Variants in GPR137C observed in about 807,000 individuals in gnomAD.
GPR137C encodes G protein-coupled receptor 137C.
Under a neutral mutation model 43.4 loss-of-function variants are expected in GPR137C, and 27 were observed. The observed-to-expected ratio is 0.62, with a 90% CI of 0.46 to 0.86. The LOEUF (loss-of-function observed/expected upper bound fraction) is 0.86, where lower values mean the gene tolerates loss of function less well. GPR137C is among the 40% of genes least tolerant of loss of function. GPR137C has a pLI of 0.00. For synonymous variants in GPR137C, 285 were observed against 226.9 expected (o/e 1.26, Z -2.30); for missense variants, 522 against 534.6 (o/e 0.98, Z 0.23).
intron 1 of GPR137C, among the ~76,000 whole-genome samples, chr14:52,594,241 C>T (rs1171736957): frequency 6.6e-6 from 1 of 152,072 alleles, no homozygotes; most frequent in Non-Finnish European, 1.5e-5. Flanking sequence ...GTTTCACTTC[C>T]AATTATGTGG....
intron 3 of GPR137C, among the ~76,000 whole-genome samples, chr14:52,616,203 T>C (rs2039097141): frequency 6.6e-6 from 1 of 152,222 alleles, no homozygotes; most frequent in Admixed American, 6.5e-5. Flanking sequence ...TCAGTATGAG[T>C]TGGAAACTAT....
intron 1 of GPR137C, among the ~76,000 whole-genome samples, chr14:52,571,142 G>C (rs1418366081): frequency 6.6e-6 from 1 of 152,182 alleles, no homozygotes; most frequent in Non-Finnish European, 1.5e-5. Context: ...CAGTCACTCA[G>C]ACCGCAGTGC....
chr14:52,596,941 A>G (rs1315969111), intron 1 of GPR137C: 1 of 454,190 alleles, frequency 2.2e-6, no homozygotes, highest in South Asian at 1.6e-5. Context: ...AGCTGTTCCT[A>G]TTTGGCCATC....
intron 1 of GPR137C, among the ~76,000 whole-genome samples, chr14:52,592,078 G>A (rs1249478241): frequency 6.6e-6 from 1 of 152,194 alleles, no homozygotes; most frequent in East Asian, 1.9e-4. Context: ...TTATTACATA[G>A]GGAATCCTTT....
chr14:52,577,552 A>G (rs1003109199), intron 1 of GPR137C, among the ~76,000 whole-genome samples: 1 of 149,008 alleles, frequency 6.7e-6, no homozygotes, highest in Admixed American at 6.7e-5. Flanking sequence ...GATCAATGAA[A>G]TGAAAAGTTG....
At chr14:52,596,706 C>T (rs1163848507) in intron 1 of GPR137C, among the ~76,000 whole-genome samples, 1 of 152,200 alleles carries the variant, frequency 6.6e-6, no homozygotes, top group Non-Finnish European at 1.5e-5. Flanking sequence ...GAGAGTGTAC[C>T]ATTCCTCCAG....
At chr14:52,620,130 G>T (rs188351888) in intron 3 of GPR137C, among the ~76,000 whole-genome samples, 1 of 152,100 alleles carries the variant, frequency 6.6e-6, no homozygotes, top group South Asian at 2.1e-4. Context: ...CTGAGAGAAG[G>T]TCCCATCCAT....
In GPR137C at chr14:52,553,470, G is replaced by T; in HGVS notation, c.323G>T (p.Gly108Val). The change falls in exon 1 of 7, where the codon GGC becomes GTC. Residue 108 changes from glycine (G) to valine (V), a missense_variant. Physicochemically the swap from Gly to Val is moderately radical, Grantham distance 109 (BLOSUM62 -3). Transcript: ENST00000321662. ...TTCTCCGCCGCCTTCTCGCTCAGCG[G>T]CTCCCTGCCCTTGCTCCGGCCGCCC... ...TLFSAAFSLS[G>V]SLPLLRPPAH... 6.2e-7 allele frequency: 1 copy of T among 1,608,670 alleles called. No individual in the cohort carries two copies. The highest frequency in any genetic ancestry group is 8.5e-7 in the Non-Finnish European group (1 of 1,179,752).
chr14:52,569,406 T>G (rs911124799), intron 1 of GPR137C, among the ~76,000 whole-genome samples: 1 of 151,358 alleles, frequency 6.6e-6, no homozygotes, highest in Non-Finnish European at 1.5e-5. Flanking sequence ...TCACAACTCC[T>G]CACCAGCAAG....
At chr14:52,556,375 C>G (rs2038193511) in intron 1 of GPR137C, among the ~76,000 whole-genome samples, 1 of 144,160 alleles carries the variant, frequency 6.9e-6, no homozygotes, top group African/African-American at 2.6e-5. Context: ...TTAAGAAATG[C>G]CTCAACCCCT....
intron 3 of GPR137C, among the ~76,000 whole-genome samples, chr14:52,605,790 A>G (rs954329245): frequency 6.6e-6 from 1 of 152,324 alleles, no homozygotes; most frequent in African/African-American, 2.4e-5. Flanking sequence ...TTAAGCATCT[A>G]TTGAAATGAA....
At chr14:52,602,915 T>C (rs916653771) in intron 3 of GPR137C, among the ~76,000 whole-genome samples, 1 of 152,182 alleles carries the variant, frequency 6.6e-6, no homozygotes, top group African/African-American at 2.4e-5. Context: ...CAAATCAGGG[T>C]AATTGGGATA....
rs552086460 is a variant in GPR137C at position 52,594,886 on chromosome 14, G to A, written c.445-3386G>A. On this transcript the variant is annotated intron_variant, in intron 1 of 6. Coordinates refer to ENST00000321662, the MANE Select transcript of GPR137C (RefSeq NM_001099652.2). ...ATGATGTTAGCTGGTTATTTTGCCCGTTAATTGATGCAGTTACTTCATAGC... is the reference window on the plus strand; with the variant it reads ...ATGATGTTAGCTGGTTATTTTGCCCATTAATTGATGCAGTTACTTCATAGC... Among the ~76,000 whole-genome samples, 9 of 152,246 alleles carry A rather than the reference G, an allele frequency of 5.9e-5. No individual in the cohort carries two copies. The South Asian group carries it at 6.2e-4, about 11-fold the overall frequency.
chr14:52,621,884 A>G (rs549068867), intron 3 of GPR137C, among the ~76,000 whole-genome samples: 1 of 151,774 alleles, frequency 6.6e-6, no homozygotes, highest in East Asian at 1.9e-4. Context: ...AAATTAAGAG[A>G]TTATAAAAAT....
intron 1 of GPR137C, among the ~76,000 whole-genome samples, chr14:52,567,720 C>T (rs77037155): frequency 0.047 from 6,884 of 146,324 alleles, 393 homozygotes; most frequent in East Asian, 0.16. Flanking sequence ...TGTGCAGTGG[C>T]GTGATCTCTG....
Position 52,632,186 on chromosome 14 carries a change from C to A in GPR137C, c.744C>A (p.Val248=). 1 of 1,606,220 alleles carries A rather than the reference C, an allele frequency of 6.2e-7. No individual in the cohort carries two copies. Among genetic ancestry groups the A allele is most frequent in the Non-Finnish European group, 8.5e-7 (1 of 1,173,112 alleles). The change falls in exon 4 of 7, where the codon GTC becomes GTA. Residue 248 remains valine, a synonymous_variant. Transcript: ENST00000321662. ...SKGMSLCQTV[V]VGSVVILLYS... ...GTATGTCTCTGTGCCAGACTGTCGT[C>A]GTGGGCTCTGTAGTCATTCTTCTGT...
intron 1 of GPR137C, among the ~76,000 whole-genome samples, chr14:52,555,168 C>G (rs1342278297): frequency 6.6e-6 from 1 of 152,150 alleles, no homozygotes; most frequent in African/African-American, 2.4e-5. Context: ...CTGAAAGTGA[C>G]TAGCGATTTT....
intron 3 of GPR137C, among the ~76,000 whole-genome samples, chr14:52,625,992 A>G (rs1407207867): frequency 6.6e-6 from 1 of 152,248 alleles, no homozygotes. Context: ...AAAATATTAA[A>G]TAAATACAAA....
In GPR137C at chr14:52,565,923, T is replaced by A. The variant is rs2038363008; in HGVS notation, c.444+12332T>A. ...CAAATCATTATTTTTCTGGGCCAGTTGTATAATTTGTAAAGTGGTTAGTCT... is the reference window on the plus strand; with the variant it reads ...CAAATCATTATTTTTCTGGGCCAGTAGTATAATTTGTAAAGTGGTTAGTCT... On this transcript the variant is annotated intron_variant, in intron 1 of 6. Coordinates refer to ENST00000321662, the MANE Select transcript of GPR137C (RefSeq NM_001099652.2). Among the ~76,000 whole-genome samples, 6 of 152,326 alleles carry A rather than the reference T, an allele frequency of 3.9e-5. 1 individual carries two copies. In the South Asian group the frequency reaches 1.2e-3, roughly 32 times the overall value.
Sources: allele counts gnomAD v4.1 joint callset (sites outside exome capture counted in the v4.1 genomes callset), GRCh38; gene constraint gnomAD v4.1.1; transcripts MANE v1.5; gene names NCBI Gene and HGNC (gene_info 2026-07-23, HGNC 2026-07-21).